ATXN7L1: variants seen among roughly 807,000 people sequenced by gnomAD.
The protein encoded by ATXN7L1 is ataxin 7 like 1, also known as ataxin-7-like protein 1.
A neutral mutation model predicts 70.8 loss-of-function variants in ATXN7L1; 15 were observed. The ratio of observed to expected loss-of-function variants is 0.21; its 90% CI spans 0.14 to 0.33. The LOEUF (loss-of-function observed/expected upper bound fraction) is 0.33. Ranked by LOEUF, ATXN7L1 falls within the 10% of genes least tolerant of loss-of-function variation. ATXN7L1 has a pLI of 1.00. For synonymous variants in ATXN7L1, 440 were observed against 445.1 expected (o/e 0.99, Z 0.14); for missense variants, 975 against 1,097.1 (o/e 0.89, Z 1.57).
intron 9 of ATXN7L1, among the ~76,000 whole-genome samples, chr7:105,616,559 C>T (rs888797632): frequency 6.6e-6 from 1 of 152,194 alleles, no homozygotes; most frequent in Non-Finnish European, 1.5e-5. Context: ...ATCCTGTAAG[C>T]ACTCAGCAAG....
intron 2 of ATXN7L1, among the ~76,000 whole-genome samples, chr7:105,789,248 C>T (rs1045810515): frequency 2.0e-5 from 3 of 152,228 alleles, no homozygotes; most frequent in African/African-American, 7.2e-5. Context: ...GCCATCATTA[C>T]CCATTATTCA....
chr7:105,850,540 TA>T (rs1207376158), intron 2 of ATXN7L1, among the ~76,000 whole-genome samples: 3 of 152,136 alleles, frequency 2.0e-5, no homozygotes, highest in Admixed American at 2.0e-4. Flanking sequence ...ATGGGAAAAA[TA>T]AGGCTGTGAG....
At chr7:105,833,002 T>C (rs1811846457) in intron 2 of ATXN7L1, among the ~76,000 whole-genome samples, 2 of 152,260 alleles carry the variant, frequency 1.3e-5, no homozygotes, top group South Asian at 4.2e-4. Flanking sequence ...GCAGAGCTTT[T>C]AAAAACAGAA....
intron 2 of ATXN7L1, among the ~76,000 whole-genome samples, chr7:105,848,329 G>A (rs1585144281): frequency 6.6e-6 from 1 of 152,146 alleles, no homozygotes; most frequent in South Asian, 2.1e-4. Context: ...ATTTAGCAAT[G>A]AGTATCAAAA....
chr7:105,823,103 T>G (rs1161326043), intron 2 of ATXN7L1, among the ~76,000 whole-genome samples: 1 of 152,102 alleles, frequency 6.6e-6, no homozygotes, highest in Non-Finnish European at 1.5e-5. Context: ...TCTTTTTTTT[T>G]TTTTATATTA....
At position 105,665,304 on chromosome 7, in the gene ATXN7L1, G is replaced by A. The variant is rs768221926; in HGVS notation, c.356-16C>T. 46 of 1,539,422 alleles carry A rather than the reference G, an allele frequency of 3.0e-5. No individual in the cohort carries two copies. Among genetic ancestry groups the A allele is most frequent in the Non-Finnish European group, 4.0e-5 (46 of 1,136,606 alleles). Reference sequence around the variant, plus strand: ...TGTCTTCTCTCTACAGGGGCAGAAAGTAGAGAACTCAGCACAGCATCTGTA... The same window carrying A: ...TGTCTTCTCTCTACAGGGGCAGAAAATAGAGAACTCAGCACAGCATCTGTA... On this transcript the variant is annotated splice_polypyrimidine_tract_variant and intron_variant, in intron 3 of 11. Coordinates refer to ENST00000419735, the MANE Select transcript of ATXN7L1 (RefSeq NM_020725.2).
At chr7:105,615,369 T>G (rs1344331758) in intron 9 of ATXN7L1, among the ~76,000 whole-genome samples, 1 of 152,036 alleles carries the variant, frequency 6.6e-6, no homozygotes, top group Non-Finnish European at 1.5e-5. Flanking sequence ...CTGGAGGCAG[T>G]TGGGGAACGG....
chr7:105,671,948 C>T (rs1469621162), intron 3 of ATXN7L1, among the ~76,000 whole-genome samples: 2 of 142,940 alleles, frequency 1.4e-5, no homozygotes, highest in African/African-American at 5.2e-5. Context: ...AGGCACTCTT[C>T]TAAACACTTT....
rs563845630 is a variant in ATXN7L1, at chr7:105,744,207, G to A, written c.355+44397C>T. ...ATTAGATATATTCAGAATAACCTGG[G>A]TCTGTGTCCTTCTACACTACAAAAA... On this transcript the variant is annotated intron_variant, in intron 3 of 11. Coordinates refer to ENST00000419735, the MANE Select transcript of ATXN7L1 (RefSeq NM_020725.2). 8.5e-5 allele frequency among the ~76,000 whole-genome samples: 13 copies of A among 152,236 alleles called. No homozygotes were observed. In the South Asian group the frequency reaches 2.5e-3, roughly 29 times the overall value.
intron 2 of ATXN7L1, among the ~76,000 whole-genome samples, chr7:105,863,454 G>A (rs6947520): frequency 0.31 from 46,782 of 152,166 alleles, 7,709 homozygotes; most frequent in South Asian, 0.51. Context: ...GAGAGGATGA[G>A]TGAAGTCAGG....
intron 2 of ATXN7L1, among the ~76,000 whole-genome samples, chr7:105,834,710 C>T (rs1270330948): frequency 6.6e-6 from 1 of 152,154 alleles, no homozygotes; most frequent in Non-Finnish European, 1.5e-5. Flanking sequence ...CTGGGCTGAG[C>T]GTACTGCCAC....
rs1412773387 is a variant in ATXN7L1 at position 105,642,904 on chromosome 7, T to C, written c.796A>G (p.Thr266Ala). Reference protein sequence around the residue: ...KILNGKGILPTTIDKKHQNGT... With the variant: ...KILNGKGILPATIDKKHQNGT... ...TTTTGGTGTTTCTTGTCTATGGTGG[T>C]TGGCAGAATTCCTTTGCCATTTAAG... The change falls in exon 5 of 12, where the codon ACC (threonine) becomes GCC (alanine). Residue 266 changes from threonine to alanine, a missense_variant. By Grantham distance (58) the Thr-to-Ala change is moderately conservative. Transcript: ENST00000419735. 1.3e-6 allele frequency: 2 copies of C among 1,551,742 alleles called. No individual in the cohort carries two copies. The highest frequency in any genetic ancestry group is 3.9e-5 in the Admixed American group (2 of 51,006).
At chr7:105,702,884 C>T (rs1031833859) in intron 3 of ATXN7L1, among the ~76,000 whole-genome samples, 3 of 151,820 alleles carry the variant, frequency 2.0e-5, no homozygotes, top group East Asian at 1.9e-4. Context: ...TTTGGGAGGC[C>T]GAGGCAGGCA....
intron 3 of ATXN7L1, among the ~76,000 whole-genome samples, chr7:105,693,582 T>TC (rs767498593): frequency 0.08 from 3,017 of 37,686 alleles, 59 homozygotes; most frequent in East Asian, 0.25. Flanking sequence ...CATCCATCCA[T>TC]CTAATTTGAA....
At chr7:105,793,573 A>T (rs1157880244) in intron 2 of ATXN7L1, among the ~76,000 whole-genome samples, 2 of 152,158 alleles carry the variant, frequency 1.3e-5, no homozygotes, top group Non-Finnish European at 2.9e-5. Context: ...ACACATGTGG[A>T]CAGAGGAAGG....
rs1349969432 is a variant in ATXN7L1 at position 105,685,077 on chromosome 7, AATAATAAT to A, written c.356-19797_356-19790del. Among the ~76,000 whole-genome samples the A allele has an allele frequency of 1.9e-3, 262 of 135,352 alleles. 1 individual carries two copies. The highest frequency in any genetic ancestry group is 2.7e-3 in the Non-Finnish European group (169 of 61,514). 88.8% of individuals were successfully genotyped at this position (135,352 alleles called of 152,430 possible). ...TAATAATAATAATAATAATAATAATAATAATAATAAATGGTTTTCCAATTCCCAGACAA... is the reference window on the plus strand; with the variant it reads ...TAATAATAATAATAATAATAATAATAAAATGGTTTTCCAATTCCCAGACAA... On this transcript the variant is annotated intron_variant, in intron 3 of 11. Transcript: ENST00000419735.
At chr7:105,626,518 C>A (rs1358852080) in intron 7 of ATXN7L1, among the ~76,000 whole-genome samples, 1 of 152,120 alleles carries the variant, frequency 6.6e-6, no homozygotes, top group African/African-American at 2.4e-5. Context: ...CAAAACAAGG[C>A]CACATGTAGT....
At chr7:105,676,857 CA>C (rs1263931557) in intron 3 of ATXN7L1, among the ~76,000 whole-genome samples, 2 of 151,974 alleles carry the variant, frequency 1.3e-5, no homozygotes, top group South Asian at 2.1e-4. Flanking sequence ...CAAAACAAAA[CA>C]AAAAACCCCC....
In ATXN7L1 at chr7:105,614,418, G is replaced by T. The variant is rs1793538688; in HGVS notation, c.1916C>A (p.Ser639Tyr). The T allele has an allele frequency of 6.4e-7, 1 of 1,551,318 alleles. No individual in the cohort carries two copies. The highest frequency in any genetic ancestry group is 2.4e-5 in the East Asian group (1 of 40,922). Reference protein sequence around the residue: ...VKDLSTRSDESPSNKKRKPQS... With the variant: ...VKDLSTRSDEYPSNKKRKPQS... ...TGGCTTCCTTTTTTTGTTACTTGGA[G>T]ACTCGTCGCTACGGGTGGACAGGTC... Residue 639 changes from serine to tyrosine, a missense_variant, in exon 10 of 12, where the codon TCT (serine) becomes TAT (tyrosine). Transcript: ENST00000419735. The surrounding 1 kb of genome is among the most constrained non-coding windows in gnomAD (Gnocchi z 4.3).
Sources: allele counts gnomAD v4.1 joint callset (sites outside exome capture counted in the v4.1 genomes callset), GRCh38; gene constraint gnomAD v4.1.1; non-coding constraint Gnocchi (gnomAD v3.1); transcripts MANE v1.5; gene names NCBI Gene and HGNC (gene_info 2026-07-23, HGNC 2026-07-21).